Variants in TENM4 observed in about 807,000 individuals in gnomAD.
TENM4 encodes the protein teneurin transmembrane protein 4.
Under a neutral mutation model 243.3 loss-of-function variants are expected in TENM4, and 82 were observed. That is an observed-to-expected ratio of 0.34 (90% CI 0.28 to 0.40). The LOEUF is 0.40. TENM4 is among the 10% of genes least tolerant of loss of function. The pLI is 1.00. For synonymous variants in TENM4, 1,412 were observed against 1,456.3 expected (o/e 0.97, Z 0.69); for missense variants, 3,138 against 3,673.3 (o/e 0.85, Z 3.77).
chr11:79,412,182 G>A (rs1858715005), intron 1 of TENM4, among the ~76,000 whole-genome samples: 3 of 152,142 alleles, frequency 2.0e-5, no homozygotes, highest in South Asian at 2.1e-4. Context: ...CAAGTTAGCC[G>A]GTTGGTAAAG....
chr11:78,866,992 C>T (rs1416748268), intron 9 of TENM4, among the ~76,000 whole-genome samples: 2 of 152,114 alleles, frequency 1.3e-5, no homozygotes, highest in Non-Finnish European at 2.9e-5. Flanking sequence ...GGTGTATATA[C>T]TTATGGGACA....
At chr11:78,959,876 C>T (rs1408810090) in intron 6 of TENM4, among the ~76,000 whole-genome samples, 3 of 152,094 alleles carry the variant, frequency 2.0e-5, no homozygotes, top group Non-Finnish European at 2.9e-5. Flanking sequence ...TAATCTCTTG[C>T]CTTCTCTTCT....
intron 4 of TENM4, among the ~76,000 whole-genome samples, chr11:79,130,354 G>C (rs909461716): frequency 6.6e-6 from 1 of 152,036 alleles, no homozygotes. Context: ...AAAATCACAC[G>C]AGTTCACTAG....
rs141339291 is a variant in TENM4, at chr11:79,355,029, G to T, written c.-320-57486C>A. 2.3e-3 allele frequency among the ~76,000 whole-genome samples: 347 copies of T among 152,318 alleles called. 1 individual carries two copies. The highest frequency in any genetic ancestry group is 7.8e-3 in the African/African-American group (325 of 41,564). ...GGGTCTACATTTAAAAGAGAGCCAA[G>T]AAGCCATTTGTTGACAAGAGTTCCC... On this transcript the variant is annotated intron_variant, in intron 1 of 33. Transcript: ENST00000278550.
chr11:79,215,264 A>T, intron 3 of TENM4, among the ~76,000 whole-genome samples: 1 of 152,144 alleles, frequency 6.6e-6, no homozygotes, highest in South Asian at 2.1e-4. Flanking sequence ...GCACAGCAAT[A>T]TGAGGAAACG....
chr11:79,086,458 G>A (rs979335504), intron 4 of TENM4, among the ~76,000 whole-genome samples: 29 of 152,228 alleles, frequency 1.9e-4, no homozygotes, highest in Admixed American at 1.8e-3. Context: ...ATATAGCAAA[G>A]GCTGGCTGAC....
At chr11:78,899,433 G>C (rs989882841) in intron 7 of TENM4, among the ~76,000 whole-genome samples, 2 of 151,708 alleles carry the variant, frequency 1.3e-5, no homozygotes, top group Non-Finnish European at 2.9e-5. Context: ...AAATCAGCTG[G>C]GCATGGGGGT....
chr11:79,162,189 A>C (rs1371108554), intron 3 of TENM4, among the ~76,000 whole-genome samples: 2 of 152,216 alleles, frequency 1.3e-5, no homozygotes, highest in Non-Finnish European at 2.9e-5. Flanking sequence ...TAATTGGTGG[A>C]GGGCAGTGGT....
intron 6 of TENM4, among the ~76,000 whole-genome samples, chr11:79,054,406 G>T (rs1487405403): frequency 1.3e-5 from 2 of 152,090 alleles, no homozygotes; most frequent in East Asian, 1.9e-4. Context: ...TTTTGACCAA[G>T]ACTTTTACAT....
At chr11:79,163,459 G>A (rs532206903) in intron 3 of TENM4, among the ~76,000 whole-genome samples, 74 of 151,948 alleles carry the variant, frequency 4.9e-4, no homozygotes, top group Admixed American at 3.5e-3. Context: ...AGATGAATAA[G>A]TTTTTTAACG....
Position 79,150,612 on chromosome 11 carries a change from T to C in TENM4, c.-162-1806A>G, listed in dbSNP as rs1419143239. The stretch of plus-strand genomic sequence containing the variant: ...TTTAAGATCATAGGGATGTTGTCAC[T>C]GCATATTCCAGACACTTCTTCTCAA... On this transcript the variant is annotated intron_variant, in intron 3 of 33. Coordinates refer to ENST00000278550, the MANE Select transcript of TENM4 (RefSeq NM_001098816.3). Among the ~76,000 whole-genome samples the C allele has an allele frequency of 2.6e-5, 4 of 152,270 alleles. No individual in the cohort carries two copies. In the East Asian group the frequency reaches 7.7e-4, roughly 29 times the overall value.
At chr11:79,266,480 GC>G (rs1855885447) in intron 2 of TENM4, among the ~76,000 whole-genome samples, 1 of 152,178 alleles carries the variant, frequency 6.6e-6, no homozygotes, top group Non-Finnish European at 1.5e-5. Context: ...AATGATACAG[GC>G]AGGAGGAGCT....
intron 1 of TENM4, among the ~76,000 whole-genome samples, chr11:79,377,950 G>A (rs968025097): frequency 3.3e-5 from 5 of 152,178 alleles, no homozygotes; most frequent in Admixed American, 6.5e-5. Context: ...ATCTTTTCCC[G>A]GTAAGTGTGT....
At chr11:78,683,878 A>G (rs1858587917) in intron 29 of TENM4, among the ~76,000 whole-genome samples, 1 of 152,218 alleles carries the variant, frequency 6.6e-6, no homozygotes, top group Non-Finnish European at 1.5e-5. Flanking sequence ...GTTTCTTTCT[A>G]TAGATGAAAA....
chr11:79,288,404 T>C (rs1050433264), intron 2 of TENM4, among the ~76,000 whole-genome samples: 1 of 152,132 alleles, frequency 6.6e-6, no homozygotes, highest in African/African-American at 2.4e-5. Flanking sequence ...CCCACTGGGG[T>C]GAAGTAACTC....
rs1312327139 is a variant in TENM4, at chr11:78,854,110, C to T, written c.1675G>A (p.Ala559Thr). 1.3e-6 allele frequency: 2 copies of T among 1,551,326 alleles called. No homozygotes were observed. Among genetic ancestry groups the T allele is most frequent in the Admixed American group, 3.9e-5 (2 of 50,988 alleles). Residue 559 changes from alanine (A) to threonine (T), a missense_variant, in exon 12 of 34, where the codon GCC (alanine) becomes ACC (threonine). This residue lies in a region of TENM4 where 2,467 missense variants were observed against 3,059.1 expected (regional missense o/e 0.81). Transcript: ENST00000278550. ...ESEVVSFLTT[A>T]IESVDNCPSN... is the part of the protein sequence containing the mutation. Reference sequence around the variant, plus strand: ...GAGGGTGTGGCTCCCTTACCAATGGCAGTGGTGAGAAAGGAAACCACTTCT... The same window carrying T: ...GAGGGTGTGGCTCCCTTACCAATGGTAGTGGTGAGAAAGGAAACCACTTCT...
chr11:78,728,140 G>A (rs1490723533), intron 22 of TENM4, among the ~76,000 whole-genome samples: 1 of 152,216 alleles, frequency 6.6e-6, no homozygotes, highest in Non-Finnish European at 1.5e-5. Context: ...GACGACAGAA[G>A]TGGCTTGATC....
At chr11:78,685,791 C>T (rs1431389535) in intron 29 of TENM4, among the ~76,000 whole-genome samples, 4 of 152,184 alleles carry the variant, frequency 2.6e-5, no homozygotes, top group Non-Finnish European at 5.9e-5. Flanking sequence ...AGTCCTTGGT[C>T]AGGCAAGATC....
chr11:79,354,487 T>C (rs1157058867), intron 1 of TENM4, among the ~76,000 whole-genome samples: 4 of 152,214 alleles, frequency 2.6e-5, no homozygotes, highest in Admixed American at 6.5e-5. Flanking sequence ...ACAAAAAGCC[T>C]AGGAATGCAA....
Sources: allele counts gnomAD v4.1 joint callset (sites outside exome capture counted in the v4.1 genomes callset), GRCh38; gene constraint gnomAD v4.1.1; regional missense constraint gnomAD v4.1.1; transcripts MANE v1.5; gene names NCBI Gene and HGNC (gene_info 2026-07-23, HGNC 2026-07-21).